Variants in USP35 observed in about 807,000 individuals in gnomAD.
USP35 encodes the protein ubiquitin specific peptidase 35, also known as ubiquitin carboxyl-terminal hydrolase 35.
A neutral mutation model predicts 83.8 loss-of-function variants in USP35; 69 were observed. The observed-to-expected ratio is 0.82, with a 90% CI of 0.68 to 1.01. The LOEUF is 1.01. USP35 is among the 50% of genes least tolerant of loss of function. USP35 has a pLI of 0.00. For synonymous variants in USP35, 714 were observed against 589.5 expected, an observed-to-expected ratio of 1.21 and a Z score of -3.06; for missense variants, 1,503 against 1,362.5, an observed-to-expected ratio of 1.10 and a Z score of -1.62.
Position 78,209,773 on chromosome 11 carries a change from C to T in USP35, c.1918C>T (p.Pro640Ser). 1 of 1,613,964 alleles carries T rather than the reference C, an allele frequency of 6.2e-7. No individual in the cohort carries two copies. The stretch of plus-strand genomic sequence containing the variant: ...TGCACAGGGGCCAGGCAGGGTGGGT[C>T]CTCGGAGGCAAAGGAAACACTGCAT... ...TSAQGPGRVG[P>S]RRQRKHCITE... The change falls in exon 10 of 11, where the codon CCT becomes TCT. Residue 640 changes from proline to serine, a missense_variant. Coordinates refer to ENST00000529308, the MANE Select transcript of USP35 (RefSeq NM_020798.4).
chr11:78,228,190 G>C, the USP35 span, among the ~76,000 whole-genome samples: 1 of 152,118 alleles, frequency 6.6e-6, no homozygotes, highest in Non-Finnish European at 1.5e-5. Flanking sequence ...CAAGCCCTTC[G>C]TTTCACAAGA....
At chr11:78,222,061 A>T in the USP35 span, 1 of 1,275,702 alleles carries the variant, frequency 7.8e-7, no homozygotes, top group Non-Finnish European at 1.1e-6. Context: ...CATTTTCCCT[A>T]ATGGCCCGAC....
In USP35 at chr11:78,210,165, C is replaced by A. The variant is rs1863700527; in HGVS notation, c.2310C>A (p.Ser770=). The change falls in exon 10 of 11, where the codon TCC becomes TCA. Residue 770 remains serine, a synonymous_variant. Transcript: ENST00000529308. ...TGGACCTGGTTAACTACTTCCTGTCCCCCGAGAAGCTGACAGCAGAAAACC... is the reference window on the plus strand; with the variant it reads ...TGGACCTGGTTAACTACTTCCTGTCACCCGAGAAGCTGACAGCAGAAAACC... ...SVLDLVNYFL[S]PEKLTAENRY... 4 of 1,613,548 alleles carry A rather than the reference C, an allele frequency of 2.5e-6. No individual in the cohort carries two copies. The highest frequency in any genetic ancestry group is 1.6e-4 in the Middle Eastern group (1 of 6,082).
At chr11:78,231,336 GGTGTGTGTGTGTGTGTGTGTGT>G in the USP35 span, among the ~76,000 whole-genome samples, 1 of 145,796 alleles carries the variant, frequency 6.9e-6, no homozygotes, top group Non-Finnish European at 1.5e-5. Context: ...GCGCGTGTGT[GGTGTGTGTGTGTGTGTGTGTGT>G]GTGTGTGTGT....
At position 78,200,115 on chromosome 11, in the gene USP35, C is replaced by A. The variant is rs1046665466; in HGVS notation, c.937-18C>A. On this transcript the variant is annotated intron_variant, in intron 4 of 10. Transcript: ENST00000529308. ...GCAGCTCAAGCCTGGGGACTCCTGA[C>A]CAGGGACTCTCTTGTAGGTTTTCTC... The A allele has an allele frequency of 6.2e-6, 10 of 1,613,850 alleles. No homozygotes were observed. The highest frequency in any genetic ancestry group is 8.5e-6 in the Non-Finnish European group (10 of 1,179,844).
At chr11:78,198,094 T>A in intron 3 of USP35, 26 bp downstream of exon 3, 1 of 1,613,734 alleles carries the variant, frequency 6.2e-7, no homozygotes, top group Non-Finnish European at 8.5e-7. Flanking sequence ...TGAGCCATGA[T>A]CAGGGCTGGG....
rs1864033180 is a variant in USP35, at chr11:78,214,828, A to G, written c.*1015A>G. 1 of 139,650 alleles carries G rather than the reference A, an allele frequency of 7.2e-6. No individual in the cohort carries two copies. 8.7% of individuals were successfully genotyped at this position (139,650 alleles called of 1,614,324 possible). A position where few individuals can be genotyped will look rare whatever the true frequency, so the allele number is the denominator to read the frequency against. ...ACGTGTGAGATGCCACAGGGAGCCA[A>G]GAGCCCTCTACTGAATCTACTGAAG... On this transcript the variant is annotated 3_prime_UTR_variant, in exon 11 of 11. Transcript: ENST00000529308.
At chr11:78,225,180 C>G in the USP35 span, 1 of 1,611,846 alleles carries the variant, frequency 6.2e-7, no homozygotes, top group Non-Finnish European at 8.5e-7. Flanking sequence ...GCTGTGGGTA[C>G]TCGTAGGTCT....
chr11:78,219,005 GA>G (rs1314372364), downstream of USP35: 142 of 436,674 alleles, frequency 3.3e-4, 1 homozygote, highest in Non-Finnish European at 1.6e-5. Context: ...ATGCTTTTTG[GA>G]AGTAGCTCCT....
At position 78,213,760 on chromosome 11, in the gene USP35, G is replaced by GGCTGCAATCCTGCAGGTGGCAATGGT; in HGVS notation, c.3006_3031dup (p.Gly1011AlafsTer25). The GGCTGCAATCCTGCAGGTGGCAATGGT allele has an allele frequency of 1.3e-6, 2 of 1,545,474 alleles. No individual in the cohort carries two copies. The highest frequency in any genetic ancestry group is 1.7e-6 in the Non-Finnish European group (2 of 1,154,882). ...GGATGAGGATGAAGGCTCTCCAGGG[G>GGCTGCAATCCTGCAGGTGGCAATGGT]GCTGCAATCCTGCAGGTGGCAATGG... On this transcript the variant is annotated frameshift_variant, in exon 11 of 11. Transcript: ENST00000529308. LOFTEE classifies it high-confidence loss of function.
chr11:78,197,085 C>T (rs551212879), intron 2 of USP35, among the ~76,000 whole-genome samples, 167 bp downstream of exon 2: 1 of 152,328 alleles, frequency 6.6e-6, no homozygotes, highest in East Asian at 1.9e-4. Flanking sequence ...ATGTAGGTGA[C>T]ACAACTGTCT....
At chr11:78,233,275 T>C in the USP35 span, among the ~76,000 whole-genome samples, 2 of 152,152 alleles carry the variant, frequency 1.3e-5, no homozygotes, top group Non-Finnish European at 2.9e-5. Context: ...GCTGAAGCAA[T>C]CCGCCTGTCT....
chr11:78,227,108 C>T, the USP35 span: 5 of 1,183,256 alleles, frequency 4.2e-6, no homozygotes, highest in Non-Finnish European at 6.2e-6. Context: ...GCTGTGTGAC[C>T]TTGAGGCAAA....
rs1461887356 is a variant in USP35, at chr11:78,215,138, C to T, written c.*1325C>T. On this transcript the variant is annotated 3_prime_UTR_variant, in exon 11 of 11. Coordinates refer to ENST00000529308, the MANE Select transcript of USP35 (RefSeq NM_020798.4). ...TGGGTAAATGCTAGTATGATTTCCACTTTACAACAGACGCTGAGGTAGAGA... is the reference window on the plus strand; with the variant it reads ...TGGGTAAATGCTAGTATGATTTCCATTTTACAACAGACGCTGAGGTAGAGA... 6.6e-6 allele frequency among the ~76,000 whole-genome samples: 1 copy of T among 152,192 alleles called. No individual in the cohort carries two copies. Among genetic ancestry groups the T allele is most frequent in the East Asian group, 1.9e-4 (1 of 5,202 alleles).
rs2511188 is a variant in USP35 at position 78,209,884 on chromosome 11, A to G, written c.2029A>G (p.Ile677Val). The G allele has an allele frequency of 0.23, 375,047 of 1,604,490 alleles. 47,912 individuals carry two copies. Among genetic ancestry groups the G allele is most frequent in the African/African-American group, 0.43 (32,047 of 74,546 alleles). ...AGGQSSQEER[I>V]EREEEGKEER... ...TGGGCAGAGCAGTCAGGAGGAAAGG[A>G]TAGAGAGGGAGGAAGAAGGGAAGGA... Residue 677 changes from isoleucine (I) to valine (V), a missense_variant, in exon 10 of 11, where the codon ATA (isoleucine) becomes GTA (valine). Coordinates refer to ENST00000529308, the MANE Select transcript of USP35 (RefSeq NM_020798.4).
At chr11:78,195,194 A>C (rs546410140) in intron 1 of USP35, among the ~76,000 whole-genome samples, 5 of 152,316 alleles carry the variant, frequency 3.3e-5, no homozygotes, top group African/African-American at 1.2e-4. Flanking sequence ...TCCAGCTGTA[A>C]TGCAAGAGGC....
chr11:78,215,514 A>AAAATT (rs1864078289), downstream of USP35: 1 of 152,770 alleles, frequency 6.5e-6, no homozygotes, highest in Non-Finnish European at 1.5e-5. Flanking sequence ...CAGTGATTTG[A>AAAATT]AAATTAAATG....
chr11:78,235,017 G>C, the USP35 span, among the ~76,000 whole-genome samples: 3 of 152,004 alleles, frequency 2.0e-5, no homozygotes, highest in African/African-American at 7.2e-5. Flanking sequence ...CTCCTCCCGG[G>C]CCACCGGGAG....
the USP35 span, among the ~76,000 whole-genome samples, chr11:78,228,768 A>G: frequency 6.7e-6 from 1 of 148,548 alleles, no homozygotes; most frequent in Non-Finnish European, 1.5e-5. Context: ...CCAAGCCAAC[A>G]GCCATGGGCT....
Sources: gnomAD v4.1 joint callset for allele counts (sites outside exome capture counted in the v4.1 genomes callset) on GRCh38, gnomAD v4.1.1 for gene constraint, MANE v1.5 for transcripts, NCBI Gene and HGNC (gene_info 2026-07-23, HGNC 2026-07-21) for gene names.